Variants in SNX29 observed in about 807,000 individuals in gnomAD.
SNX29 encodes the protein sorting nexin 29, also known as sorting nexin-29.
Under a neutral mutation model 102.1 loss-of-function variants are expected in SNX29, and 78 were observed. That is an observed-to-expected ratio of 0.76 (90% CI 0.64 to 0.92). SNX29 has a LOEUF of 0.92. Ranked by LOEUF, SNX29 falls within the 40% of genes least tolerant of loss-of-function variation. The pLI is 0.00. For synonymous variants in SNX29, 580 were observed against 414.5 expected (o/e 1.40, Z -4.85); for missense variants, 1,280 against 1,061.7 (o/e 1.21, Z -2.86).
intron 18 of SNX29, among the ~76,000 whole-genome samples, chr16:12,470,065 T>C (rs12102714): frequency 0.22 from 33,603 of 152,222 alleles, 4,295 homozygotes; most frequent in South Asian, 0.38. Context: ...GTGAACATTG[T>C]GCGTAACATG....
At chr16:12,231,390 C>CT (rs2077764023) in intron 14 of SNX29, among the ~76,000 whole-genome samples, 1 of 152,160 alleles carries the variant, frequency 6.6e-6, no homozygotes, top group Non-Finnish European at 1.5e-5. Context: ...TTGTTTGTTG[C>CT]TTTTTACCCC....
intron 20 of SNX29, among the ~76,000 whole-genome samples, chr16:12,550,892 G>A (rs1459174136): frequency 6.6e-6 from 1 of 152,152 alleles, no homozygotes; most frequent in African/African-American, 2.4e-5. Context: ...GTGACGGGAG[G>A]GGAAGCTCAG....
chr16:12,512,053 G>A (rs971821340), intron 19 of SNX29, among the ~76,000 whole-genome samples: 10 of 151,972 alleles, frequency 6.6e-5, no homozygotes, highest in African/African-American at 1.2e-4. Flanking sequence ...GCCTTGCAGC[G>A]GATGGGATGG....
At chr16:12,268,717 C>G (rs540778537) in intron 14 of SNX29, among the ~76,000 whole-genome samples, 5 of 152,282 alleles carry the variant, frequency 3.3e-5, no homozygotes, top group African/African-American at 9.6e-5. Flanking sequence ...TAAAATGATT[C>G]TTTATTTTCG....
In SNX29 at chr16:11,999,892, C is replaced by T. The variant is rs140783889; in HGVS notation, c.69+534C>T. ...CTCCAGCCTGGGCAACAGAGTGAGA[C>T]TTTGTGTCATTAAAAAAAAAAAAAG... On this transcript the variant is annotated intron_variant, in intron 2 of 20. Transcript: ENST00000566228. 6.0e-3 allele frequency among the ~76,000 whole-genome samples: 906 copies of T among 150,574 alleles called. 6 individuals are homozygous for T. The highest frequency in any genetic ancestry group is 0.021 in the African/African-American group (839 of 40,792).
intron 14 of SNX29, among the ~76,000 whole-genome samples, chr16:12,238,479 C>T (rs2078005069): frequency 1.3e-5 from 2 of 152,180 alleles, no homozygotes; most frequent in South Asian, 4.1e-4. Flanking sequence ...CCACGTGCCA[C>T]CATGCCGGCC....
chr16:12,209,640 G>C (rs540429662), intron 14 of SNX29, among the ~76,000 whole-genome samples: 129 of 152,314 alleles, frequency 8.5e-4, no homozygotes, highest in African/African-American at 3.0e-3. Context: ...TGGGCCACCA[G>C]CTGCGTGTTT....
At chr16:12,156,001 C>T (rs1462548326) in intron 13 of SNX29, among the ~76,000 whole-genome samples, 4 of 152,162 alleles carry the variant, frequency 2.6e-5, no homozygotes, top group African/African-American at 4.8e-5. Context: ...TCTGCTCCTC[C>T]GACTCCTCCT....
chr16:12,210,392 A>G (rs1217253910), intron 14 of SNX29, among the ~76,000 whole-genome samples: 2 of 148,362 alleles, frequency 1.3e-5, no homozygotes, highest in African/African-American at 5.0e-5. Flanking sequence ...CAGCTGGACG[A>G]TCATAGTTCA....
rs372710575 is a variant in SNX29 at position 12,403,521 on chromosome 16, G to A, written c.2029G>A (p.Val677Met). 4.0e-5 allele frequency: 64 copies of A among 1,604,642 alleles called. No individual in the cohort carries two copies. The highest frequency in any genetic ancestry group is 4.8e-5 in the Non-Finnish European group (56 of 1,175,496). ...GGGCAAAGCAGCAAATGCATTCCAC[G>A]TGTATCAGGTGAGTGCCTGGTTTTC... ...LRGKAANAFH[V>M]YQVYIRIKDD... Residue 677 changes from valine to methionine, a missense_variant, in exon 18 of 21, where the codon GTG (valine) becomes ATG (methionine). Coordinates refer to ENST00000566228, the MANE Select transcript of SNX29 (RefSeq NM_032167.5).
chr16:12,391,359 C>T (rs1010006313), intron 16 of SNX29, among the ~76,000 whole-genome samples: 2 of 152,176 alleles, frequency 1.3e-5, no homozygotes, highest in Admixed American at 1.3e-4. Flanking sequence ...TCCCTTTTCT[C>T]CTACATTTTT....
Position 12,073,987 on chromosome 16 carries a change from C to T in SNX29, c.1320-4846C>T, listed in dbSNP as rs7193256. 9.1e-3 allele frequency among the ~76,000 whole-genome samples: 1,393 copies of T among 152,248 alleles called. 23 individuals carry two copies. Among genetic ancestry groups the T allele is most frequent in the African/African-American group, 0.031 (1,300 of 41,528 alleles). On this transcript the variant is annotated intron_variant, in intron 10 of 20. Transcript: ENST00000566228. ...TCTCTTTTATCAGAGACTAGGATTG[C>T]AACCCCTGCCTTTTTTTTGTTTTCC... is the stretch of plus-strand genomic sequence containing the variant.
intron 4 of SNX29, among the ~76,000 whole-genome samples, chr16:12,042,420 A>G (rs1425444283): frequency 1.3e-5 from 2 of 152,128 alleles, no homozygotes; most frequent in East Asian, 1.9e-4. Flanking sequence ...GATTGAACCC[A>G]TCTCCCAGGC....
At chr16:12,485,988 C>G (rs1027880171) in intron 19 of SNX29, among the ~76,000 whole-genome samples, 1 of 152,180 alleles carries the variant, frequency 6.6e-6, no homozygotes, top group African/African-American at 2.4e-5. Context: ...TACAACAACA[C>G]ACATTTATTC....
intron 19 of SNX29, among the ~76,000 whole-genome samples, chr16:12,522,988 T>C (rs537797145): frequency 1.6e-4 from 25 of 152,274 alleles, no homozygotes; most frequent in African/African-American, 5.3e-4. Flanking sequence ...TTTTTTCAAT[T>C]TTTTATAGAG....
At chr16:12,481,601 T>G (rs539808146) in intron 19 of SNX29, among the ~76,000 whole-genome samples, 4 of 149,550 alleles carry the variant, frequency 2.7e-5, no homozygotes, top group African/African-American at 7.4e-5. Flanking sequence ...GTGGCACAAT[T>G]TCACCTCACA....
At chr16:12,000,038 G>C (rs532802518) in intron 2 of SNX29, among the ~76,000 whole-genome samples, 2 of 151,518 alleles carry the variant, frequency 1.3e-5, no homozygotes, top group African/African-American at 4.9e-5. Flanking sequence ...AGAAGGCTAG[G>C]ACAAGGAGGA....
chr16:11,983,101 T>G (rs2055461881), intron 1 of SNX29, among the ~76,000 whole-genome samples: 1 of 151,982 alleles, frequency 6.6e-6, no homozygotes, highest in African/African-American at 2.4e-5. Context: ...TGGCTAATTT[T>G]TTGTATTTTT....
chr16:12,540,160 C>T (rs1196558155), intron 20 of SNX29, among the ~76,000 whole-genome samples: 2 of 152,144 alleles, frequency 1.3e-5, no homozygotes, highest in Non-Finnish European at 2.9e-5. Context: ...CATTTTAGAT[C>T]TGCGATTCAT....
Sources: gnomAD v4.1 joint callset for allele counts (sites outside exome capture counted in the v4.1 genomes callset) on GRCh38, gnomAD v4.1.1 for gene constraint, MANE v1.5 for transcripts, NCBI Gene and HGNC (gene_info 2026-07-23, HGNC 2026-07-21) for gene names.